EGFL6: variants seen among roughly 807,000 people sequenced by gnomAD.
EGFL6 encodes the protein EGF like domain multiple 6.
Under a neutral mutation model 43.1 loss-of-function variants are expected in EGFL6, and 42 were observed. The observed-to-expected ratio is 0.98, with a 90% confidence interval of 0.76 to 1.26. The LOEUF is 1.26. Ranked by LOEUF, EGFL6 falls within the 50% of genes most tolerant of loss-of-function variation. The pLI is 0.00. For missense variants in EGFL6, 429 were observed against 427.8 expected, an observed-to-expected ratio of 1.00 and a Z score of -0.02; for synonymous variants, 164 against 163.2, an observed-to-expected ratio of 1.01 and a Z score of -0.04.
At position 13,593,448 on chromosome X, in the gene EGFL6, G is replaced by A. The variant is rs138790001; in HGVS notation, c.188-1388G>A. 3.9e-3 allele frequency among the ~76,000 whole-genome samples: 433 copies of A among 111,697 alleles called. 4 individuals carry two copies. Among genetic ancestry groups the A allele is most frequent in the African/African-American group, 0.013 (403 of 30,700 alleles). Reference sequence around the variant, plus strand: ...GAGCAATTTGCAAGGGAGTGAGGGAGCATGGGAAGCGGCTAGGCAGAGATA... The same window carrying A: ...GAGCAATTTGCAAGGGAGTGAGGGAACATGGGAAGCGGCTAGGCAGAGATA... On this transcript the variant is annotated intron_variant, in intron 2 of 11. Transcript: ENST00000361306.
chrX:13,574,702 G>T, intron 1 of EGFL6: 1 of 103,433 alleles, frequency 9.7e-6, no homozygotes, highest in East Asian at 3.0e-4. Context: ...CCACACCTAA[G>T]ACAGGAAGAC....
Position 13,569,785 on chromosome X carries a change from G to C in EGFL6, c.-77G>C. ...CGAGCGGCTGAGGAGAGAGGAGGCG[G>C]CGGCTTAGCTGCTACGGGGTCCGGC... On this transcript the variant is annotated 5_prime_UTR_variant, in exon 1 of 12. Transcript: ENST00000361306. 1 of 1,036,525 alleles carries C rather than the reference G, an allele frequency of 9.6e-7. No homozygotes were observed. Among genetic ancestry groups the C allele is most frequent in the South Asian group, 1.9e-5 (1 of 51,651 alleles). 85.4% of individuals were successfully genotyped at this position (1,036,525 alleles called of 1,213,427 possible). A position where few individuals can be genotyped will look rare whatever the true frequency, so the allele number is the denominator to read the frequency against.
At chrX:13,579,242 C>G (rs2045492143) in intron 1 of EGFL6, among the ~76,000 whole-genome samples, 1 of 110,780 alleles carries the variant, frequency 9.0e-6, no homozygotes, top group South Asian at 3.9e-4. Context: ...TCCTCTCCCT[C>G]CTCCCACCCT....
chrX:13,614,508 G>C (rs112121579), intron 7 of EGFL6, among the ~76,000 whole-genome samples: 1 of 112,043 alleles, frequency 8.9e-6, no homozygotes, highest in African/African-American at 3.2e-5. Context: ...TTCCTCCTGG[G>C]TAAGATATTC....
chrX:13,623,913 G>A lies in EGFL6; in HGVS notation c.1273G>A (p.Asp425Asn). The A allele has an allele frequency of 1.7e-6, 2 of 1,196,855 alleles. No individual in the cohort carries two copies. Among genetic ancestry groups the A allele is most frequent in the South Asian group, 1.8e-5 (1 of 56,503 alleles). The part of the protein sequence containing the change: ...REDDFDWNPA[D>N]RDNAIGFYMA... ...AGATGATTTTGACTGGAATCCTGCT[G>A]ATCGAGATAATGGTATTTATATTTG... is the stretch of plus-strand genomic sequence containing the variant. Residue 425 changes from aspartate to asparagine, a missense_variant, in exon 10 of 12, where the codon GAT (aspartate) becomes AAT (asparagine). Coordinates refer to ENST00000361306, the MANE Select transcript of EGFL6 (RefSeq NM_015507.4).
At chrX:13,606,615 A>G in intron 6 of EGFL6, 102 bp downstream of exon 6, 1 of 952,608 alleles carries the variant, frequency 1.0e-6, no homozygotes, top group Non-Finnish European at 1.5e-6. Flanking sequence ...TAGTTGAACA[A>G]TCTACTGTGC....
intron 1 of EGFL6, among the ~76,000 whole-genome samples, chrX:13,577,295 A>ATT (rs57338089): frequency 1.1e-5 from 1 of 88,052 alleles, no homozygotes; most frequent in African/African-American, 4.3e-5. Context: ...TTATATATGA[A>ATT]TTTTATATAT....
At chrX:13,623,377 GTTTT>G (rs774112791) in intron 9 of EGFL6, among the ~76,000 whole-genome samples, 4 of 40,371 alleles carry the variant, frequency 9.9e-5, no homozygotes, top group Non-Finnish European at 1.7e-4. Flanking sequence ...TTTATTTTGG[GTTTT>G]TTTTTTTTTT....
chrX:13,571,893 G>A (rs1225084574), intron 1 of EGFL6, among the ~76,000 whole-genome samples: 1 of 112,183 alleles, frequency 8.9e-6, no homozygotes, highest in African/African-American at 3.2e-5. Context: ...GCAGAAAACT[G>A]TGTCTACTGG....
intron 6 of EGFL6, among the ~76,000 whole-genome samples, chrX:13,607,278 C>T (rs2045665703): frequency 9.0e-6 from 1 of 111,239 alleles, no homozygotes; most frequent in African/African-American, 3.3e-5. Flanking sequence ...GTGGATTTCT[C>T]TGCCCGTAAC....
rs774006183 is a variant in EGFL6 at position 13,627,343 on chromosome X, A to C, written c.1551+67A>C. 1.1e-5 allele frequency: 13 copies of C among 1,143,041 alleles called. No individual in the cohort carries two copies. The South Asian group carries it at 2.6e-4, about 23-fold the overall frequency. The allele number at this position is 1,143,041 out of a possible 1,213,427, so 94.2% of individuals were successfully genotyped here. On this transcript the variant is annotated intron_variant, in intron 11 of 11. Coordinates refer to ENST00000361306, the MANE Select transcript of EGFL6 (RefSeq NM_015507.4). ...TTTGCAATGATTTAACAAATGAAAC[A>C]AAACATTTACTGAAGTATGTAGGCA...
rs777612732 is a variant in EGFL6, at chrX:13,608,426, G to A, written c.758G>A (p.Gly253Asp). The change falls in exon 7 of 12, where the codon GGC becomes GAC. Residue 253 changes from glycine (G) to aspartate (D), a missense_variant. Physicochemically the swap from Gly to Asp is moderately conservative, Grantham distance 94. Coordinates refer to ENST00000361306, the MANE Select transcript of EGFL6 (RefSeq NM_015507.4). ...TGTAAATGCAAGCAGGGATATAAAG[G>A]CAATGGACTTCGGTGTTCTGGTAAG... ...FKCKCKQGYK[G>D]NGLRCSAIPE... 1.5e-5 allele frequency: 18 copies of A among 1,209,195 alleles called. No individual in the cohort carries two copies. In the South Asian group the frequency reaches 2.6e-4, roughly 18 times the overall value.
Position 13,627,189 on chromosome X carries a change from C to T in EGFL6, c.1464C>T (p.Ala488=), listed in dbSNP as rs1451318514. ...LRVFVKNSNN[A]LAWEKTTSED... Reference sequence around the variant, plus strand: ...TGTTTGTGAAAAACAGTAACAATGCCCTGGCATGGGAGAAGACCACGAGTG... The same window carrying T: ...TGTTTGTGAAAAACAGTAACAATGCTCTGGCATGGGAGAAGACCACGAGTG... The change falls in exon 11 of 12, where the codon GCC becomes GCT. Residue 488 remains alanine (A), a synonymous_variant. Transcript: ENST00000361306. 3.3e-6 allele frequency: 4 copies of T among 1,211,894 alleles called. No homozygotes were observed. In the East Asian group the frequency reaches 1.2e-4, roughly 36 times the overall value.
At chrX:13,632,219 A>G (rs1433641706) in intron 11 of EGFL6, among the ~76,000 whole-genome samples, 11 of 110,552 alleles carry the variant, frequency 1.0e-4, no homozygotes, top group Non-Finnish European at 1.9e-5. Flanking sequence ...CCGTCTCAAA[A>G]AAAAAAAGAA....
intron 3 of EGFL6, chrX:13,596,675 A>G (rs1280040133): frequency 1.8e-5 from 2 of 111,406 alleles, no homozygotes; most frequent in African/African-American, 6.5e-5. Context: ...ACAGGCACAC[A>G]CCACCACACC....
At chrX:13,593,438 G>C (rs1248904751) in intron 2 of EGFL6, among the ~76,000 whole-genome samples, 1 of 111,742 alleles carries the variant, frequency 8.9e-6, no homozygotes, top group Non-Finnish European at 1.9e-5. Flanking sequence ...ATTTGCAAGG[G>C]AGTGAGGGAG....
intron 4 of EGFL6, among the ~76,000 whole-genome samples, 190 bp downstream of exon 4, chrX:13,600,284 T>TC (rs1394620035): frequency 2.8e-5 from 2 of 70,663 alleles, no homozygotes; most frequent in Admixed American, 3.1e-4. Context: ...TTTCTTCTTT[T>TC]TTTTTTTTTT....
In EGFL6 at chrX:13,569,684, C is replaced by A. The variant is rs986552383; in HGVS notation, c.-178C>A. 1.3e-5 allele frequency: 6 copies of A among 459,787 alleles called. No homozygotes were observed. Among genetic ancestry groups the A allele is most frequent in the African/African-American group, 2.4e-5 (1 of 40,975 alleles). The allele number at this position is 459,787 out of a possible 1,213,427, so 37.9% of individuals were successfully genotyped here. A position where few individuals can be genotyped will look rare whatever the true frequency, so the allele number is the denominator to read the frequency against. On this transcript the variant is annotated 5_prime_UTR_variant, in exon 1 of 12. Coordinates refer to ENST00000361306, the MANE Select transcript of EGFL6 (RefSeq NM_015507.4). ...CCAGCCCCTCCCCAGGCCGCGAGCG[C>A]CCCTGCCGCGGTGCCTGGCCTCCCC...
At chrX:13,625,699 A>G (rs1005795359) in intron 10 of EGFL6, among the ~76,000 whole-genome samples, 1 of 109,414 alleles carries the variant, frequency 9.1e-6, no homozygotes, top group Admixed American at 9.8e-5. Context: ...AAATAAATAA[A>G]TAAAAAATAA....
Sources: gnomAD v4.1 joint callset for allele counts (sites outside exome capture counted in the v4.1 genomes callset) on GRCh38, gnomAD v4.1.1 for gene constraint, MANE v1.5 for transcripts, NCBI Gene and HGNC (gene_info 2026-07-23, HGNC 2026-07-21) for gene names.